The following FGL1 variants were observed in gnomAD, a reference collection of about 807,000 sequenced individuals.
FGL1 encodes fibrinogen-like protein 1.
FGL1 carries 59 observed loss-of-function variants against 43.7 expected under a neutral mutation model. The observed-to-expected ratio is 1.35, with a 90% CI of 1.10 to 1.68. The LOEUF (loss-of-function observed/expected upper bound fraction) is 1.68, where lower values mean the gene tolerates loss of function less well. FGL1 is among the 40% of genes most tolerant of loss of function. The pLI, the probability that FGL1 is intolerant of heterozygous loss-of-function variation, is 0.00. For synonymous variants in FGL1, 192 were observed against 126.5 expected, an observed-to-expected ratio of 1.52 and a Z score of -3.48; for missense variants, 596 against 373.0, an observed-to-expected ratio of 1.60 and a Z score of -4.92.
rs2053614495 is a variant in FGL1, at chr8:17,885,517, G to C, written c.38C>G (p.Ala13Gly). Residue 13 changes from alanine to glycine, a missense_variant, in exon 2 of 8, where the codon GCT (alanine) becomes GGT (glycine). By Grantham distance (60) the Ala-to-Gly change is moderately conservative. Transcript: ENST00000427924. ...KVFSFILVTT[A>G]LTMGREISAL... is the part of the protein sequence containing the mutation. Reference sequence around the variant, plus strand: ...CGAAATTTCCCTGCCCATTGTCAGAGCGGTGGTAACAAGGATGAAACTGAA... The same window carrying C: ...CGAAATTTCCCTGCCCATTGTCAGACCGGTGGTAACAAGGATGAAACTGAA... 1.2e-6 allele frequency: 2 copies of C among 1,613,590 alleles called. No individual in the cohort carries two copies. Among genetic ancestry groups the C allele is most frequent in the South Asian group, 2.2e-5 (2 of 91,040 alleles).
At chr8:17,891,114 G>A (rs945113539) in intron 1 of FGL1, among the ~76,000 whole-genome samples, 2 of 152,152 alleles carry the variant, frequency 1.3e-5, no homozygotes, top group African/African-American at 2.4e-5. Context: ...ATGTAAGCAC[G>A]AAGAGGTGAG....
Position 17,895,448 on chromosome 8 carries a change from T to C in FGL1, c.-19A>G. 7.8e-7 allele frequency: 1 copy of C among 1,283,658 alleles called. No homozygotes were observed. The highest frequency in any genetic ancestry group is 1.0e-6 in the Non-Finnish European group (1 of 984,276). 79.5% of individuals were successfully genotyped at this position (1,283,658 alleles called of 1,614,324 possible). ...ATGCAGAGACATTAAATAACTTGCC[T>C]AAAGTCAGAAGTGAGTCAGAGACCC... On this transcript the variant is annotated splice_region_variant and 5_prime_UTR_variant, in exon 1 of 8. Coordinates refer to ENST00000427924, the MANE Select transcript of FGL1 (RefSeq NM_004467.4).
chr8:17,874,409 T>C lies in FGL1; in HGVS notation c.357A>G (p.Gly119=), dbSNP rs766546232. ...SVYCDMSDGG[G]WTVIQRRSDG... ...CAGATCGTCTCTGAATTACAGTCCA[T>C]CCTCCTCCATCGGACATGTCACAAT... The change falls in exon 4 of 8, where the codon GGA becomes GGG. Residue 119 remains glycine, a synonymous_variant. Coordinates refer to ENST00000427924, the MANE Select transcript of FGL1 (RefSeq NM_004467.4). 6.2e-7 allele frequency: 1 copy of C among 1,614,130 alleles called. No homozygotes were observed. Among genetic ancestry groups the C allele is most frequent in the Admixed American group, 1.7e-5 (1 of 60,020 alleles).
intron 7 of FGL1, among the ~76,000 whole-genome samples, chr8:17,866,740 T>C (rs1220759880): frequency 6.6e-6 from 1 of 152,226 alleles, no homozygotes; most frequent in Non-Finnish European, 1.5e-5. Context: ...GTCAGCTGGA[T>C]AAAGTACATG....
intron 3 of FGL1, among the ~76,000 whole-genome samples, chr8:17,878,978 C>A (rs920810214): frequency 6.7e-6 from 1 of 150,102 alleles, no homozygotes; most frequent in African/African-American, 2.4e-5. Context: ...TTCTTAGTAG[C>A]CTCTCCAGTA....
chr8:17,864,773 A>G, intron 7 of FGL1, 22 bp from the exon 8 acceptor site: 3 of 1,435,480 alleles, frequency 2.1e-6, no homozygotes, highest in Non-Finnish European at 2.8e-6. Flanking sequence ...GAGAAAAAAA[A>G]AGAAAACAAC....
chr8:17,874,581 G>C (rs939610628), intron 3 of FGL1, 60 bp from the exon 4 acceptor site: 2 of 1,397,548 alleles, frequency 1.4e-6, no homozygotes, highest in African/African-American at 2.9e-5. Context: ...CCCCGCCTTA[G>C]GGAGCCTCTG....
chr8:17,884,763 T>C (rs2053603238), intron 2 of FGL1, among the ~76,000 whole-genome samples: 1 of 152,202 alleles, frequency 6.6e-6, no homozygotes, highest in Admixed American at 6.5e-5. Context: ...TGCATACGCA[T>C]ATTTAGTAAG....
chr8:17,890,071 T>C (rs777567236), intron 1 of FGL1, among the ~76,000 whole-genome samples: 1 of 152,200 alleles, frequency 6.6e-6, no homozygotes, highest in African/African-American at 2.4e-5. Context: ...ACACATGAAA[T>C]CTCACGATGT....
At chr8:17,870,651 A>G (rs755648710) in intron 5 of FGL1, among the ~76,000 whole-genome samples, 2 of 152,152 alleles carry the variant, frequency 1.3e-5, no homozygotes, top group African/African-American at 2.4e-5. Flanking sequence ...CCCAGGCTGC[A>G]TATCCAAGTT....
intron 7 of FGL1, among the ~76,000 whole-genome samples, chr8:17,865,105 A>G (rs538607305): frequency 5.3e-5 from 8 of 152,170 alleles, no homozygotes; most frequent in African/African-American, 1.9e-4. Flanking sequence ...GGTATTTTAA[A>G]ATGGTGAGTT....
chr8:17,875,644 G>T (rs906023975), intron 3 of FGL1, among the ~76,000 whole-genome samples: 2 of 147,804 alleles, frequency 1.4e-5, no homozygotes, highest in Admixed American at 7.0e-5. Flanking sequence ...TTGCTCTTTC[G>T]CCCAGGCTGG....
rs956633504 is a variant in FGL1, at chr8:17,864,411, T to G, written c.*181A>C. The stretch of plus-strand genomic sequence containing the variant: ...AAATATTAACACAGTCTACATTTAT[T>G]TGGTGAATATTGCATATCTGCTGTA... On this transcript the variant is annotated 3_prime_UTR_variant, in exon 8 of 8. Coordinates refer to ENST00000427924, the MANE Select transcript of FGL1 (RefSeq NM_004467.4). 4.9e-5 allele frequency: 28 copies of G among 570,284 alleles called. No homozygotes were observed. The African/African-American group carries it at 4.9e-4, about 10-fold the overall frequency. The allele number at this position is 570,284 out of a possible 1,614,324, so 35.3% of individuals were successfully genotyped here.
At chr8:17,881,135 C>A (rs1049866616) in intron 3 of FGL1, among the ~76,000 whole-genome samples, 1 of 98,818 alleles carries the variant, frequency 1.0e-5, no homozygotes, top group African/African-American at 4.9e-5. Flanking sequence ...CATGTGTACA[C>A]GGATTTTTTT....
chr8:17,865,065 T>C (rs1436832455), intron 7 of FGL1, among the ~76,000 whole-genome samples: 2 of 151,952 alleles, frequency 1.3e-5, no homozygotes, highest in African/African-American at 4.8e-5. Context: ...GGATAACAGG[T>C]GTGAGCCACT....
chr8:17,883,519 GTAATA>G (rs1342697972), intron 2 of FGL1, among the ~76,000 whole-genome samples: 1 of 126,848 alleles, frequency 7.9e-6, no homozygotes, highest in African/African-American at 3.1e-5. Flanking sequence ...ATAATATAAT[GTAATA>G]TAATTGTATT....
At position 17,894,709 on chromosome 8, in the gene FGL1, C is replaced by A. The variant is rs1392135841; in HGVS notation, c.-18+738G>T. 2.7e-5 allele frequency among the ~76,000 whole-genome samples: 4 copies of A among 146,336 alleles called. 2 individuals are homozygous for A. The highest frequency in any genetic ancestry group is 1.1e-4 in the African/African-American group (4 of 37,044). On this transcript the variant is annotated intron_variant, in intron 1 of 7. Transcript: ENST00000427924. ...CAAAAAACCAACAAACAAACGACAA[C>A]AACAAAAAACGCCTAGAGCTTAAAA...
chr8:17,895,339 T>C, intron 1 of FGL1, 108 bp downstream of exon 1: 2 of 1,167,552 alleles, frequency 1.7e-6, no homozygotes, highest in East Asian at 6.5e-5. Flanking sequence ...ACCTGACTTC[T>C]TGCAAAAGCT....
chr8:17,881,615 CAA>C (rs1401227695), intron 3 of FGL1, among the ~76,000 whole-genome samples: 11 of 151,310 alleles, frequency 7.3e-5, no homozygotes, highest in Non-Finnish European at 8.8e-5. Flanking sequence ...AGGCGAATCA[CAA>C]GGTCAGGTGA....
Sources: gnomAD v4.1 joint callset for allele counts (sites outside exome capture counted in the v4.1 genomes callset) on GRCh38, gnomAD v4.1.1 for gene constraint, MANE v1.5 for transcripts, NCBI Gene and HGNC (gene_info 2026-07-23, HGNC 2026-07-21) for gene names.